ASB6: variants seen among roughly 807,000 people sequenced by gnomAD.
The protein encoded by ASB6 is ankyrin repeat and SOCS box protein 6.
A neutral mutation model predicts 28.6 loss-of-function variants in ASB6; 24 were observed. The ratio of observed to expected loss-of-function variants is 0.84; its 90% CI spans 0.61 to 1.18. The LOEUF (loss-of-function observed/expected upper bound fraction) is 1.18. Ranked by LOEUF, ASB6 falls within the 50% of genes most tolerant of loss-of-function variation. The pLI is 0.00. For missense variants in ASB6, 519 were observed against 559.8 expected, an observed-to-expected ratio of 0.93 and a Z score of 0.74; for synonymous variants, 267 against 243.4, an observed-to-expected ratio of 1.10 and a Z score of -0.90.
chr9:129,635,479 G>A lies in ASB6; in HGVS notation c.*2311C>T. 1 of 1,598,862 alleles carries A rather than the reference G, an allele frequency of 6.3e-7. No homozygotes were observed. Among genetic ancestry groups the A allele is most frequent in the Non-Finnish European group, 8.5e-7 (1 of 1,169,840 alleles). ...CCCTGAGATGAGCCGGGGCTGGCAG[G>A]AGAAACTGAGGAACCACAGTCCTGG... On this transcript the variant is annotated 3_prime_UTR_variant, in exon 6 of 6. Transcript: ENST00000277458.
chr9:129,638,375 C>A lies in ASB6; in HGVS notation c.681G>T (p.Gly227=). The change falls in exon 6 of 6, where the codon GGG becomes GGT. Residue 227 remains glycine, a synonymous_variant. Transcript: ENST00000277458. ...IIFLLGETVG[G]DKEEAQMINR... ...TGATCATCTGGGCCTCCTCTTTGTC[C>A]CCTCCCACGGTCTCACCAAGCAGGA... 1 of 1,613,592 alleles carries A rather than the reference C, an allele frequency of 6.2e-7. No individual in the cohort carries two copies. The highest frequency in any genetic ancestry group is 8.5e-7 in the Non-Finnish European group (1 of 1,180,010).
At position 129,637,916 on chromosome 9, in the gene ASB6, A is replaced by C. The variant is rs1029572669; in HGVS notation, c.1140T>G (p.Arg380=). 1.9e-6 allele frequency: 3 copies of C among 1,585,128 alleles called. No individual in the cohort carries two copies. The African/African-American group carries it at 4.0e-5, about 21-fold the overall frequency. ...SYPPPLKHLC[R]VAIRLYLQPW... is the part of the protein sequence containing the mutation. ...GCTGAAGGTAGAGCCGGATGGCCAC[A>C]CGGCACAGGTGCTTGAGGGGCGGGG... Residue 380 remains arginine (R), a synonymous_variant, in exon 6 of 6, where the codon CGT becomes CGG. Coordinates refer to ENST00000277458, the MANE Select transcript of ASB6 (RefSeq NM_017873.4).
chr9:129,638,685 GAGC>G, intron 4 of ASB6, 26 bp from the exon 5 acceptor site: 1 of 1,598,294 alleles, frequency 6.3e-7, no homozygotes, highest in East Asian at 2.3e-5. Flanking sequence ...GAGCAAGGAG[GAGC>G]AGGAGGCCAG....
At position 129,639,517 on chromosome 9, in the gene ASB6, G is replaced by A. The variant is rs377139298; in HGVS notation, c.296-9C>T. The A allele has an allele frequency of 2.5e-6, 4 of 1,607,594 alleles. No homozygotes were observed. Among genetic ancestry groups the A allele is most frequent in the South Asian group, 1.1e-5 (1 of 90,738 alleles). Reference sequence around the variant, plus strand: ...GTAGTAGGTGACTGGGTCTGAAGGTGCAGACACAGCTCATGTGGGTCCTAT... The same window carrying A: ...GTAGTAGGTGACTGGGTCTGAAGGTACAGACACAGCTCATGTGGGTCCTAT... On this transcript the variant is annotated splice_polypyrimidine_tract_variant and intron_variant, in intron 2 of 5. Transcript: ENST00000277458.
chr9:129,639,371 T>C, intron 3 of ASB6, 31 bp downstream of exon 3: 1 of 1,601,946 alleles, frequency 6.2e-7, no homozygotes, highest in South Asian at 1.1e-5. Flanking sequence ...TGCCCAACCC[T>C]GCTTCAAAGC....
At chr9:129,639,558 T>C (rs1384262818) in intron 2 of ASB6, 50 bp from the exon 3 acceptor site, 6 of 1,536,934 alleles carry the variant, frequency 3.9e-6, no homozygotes, top group Admixed American at 1.8e-5. Context: ...CGCATTCTTA[T>C]GGGGCCCCCG....
chr9:129,635,645 G>C lies in ASB6; in HGVS notation c.*2145C>G, dbSNP rs1422513585. The C allele has an allele frequency of 4.0e-6, 3 of 754,308 alleles. No individual in the cohort carries two copies. The highest frequency in any genetic ancestry group is 6.5e-6 in the Non-Finnish European group (3 of 464,898). The allele number at this position is 754,308 out of a possible 1,614,324, so 46.7% of individuals were successfully genotyped here. ...AAGGCAAGGTGGGACCCGGCGGGGA[G>C]GGTGCTGCTGAACCAGCGGTGAGGC... is the stretch of plus-strand genomic sequence containing the variant. On this transcript the variant is annotated 3_prime_UTR_variant, in exon 6 of 6. Transcript: ENST00000277458.
At chr9:129,639,072 G>A (rs1421899101) in intron 4 of ASB6, 130 bp downstream of exon 4, 2 of 907,182 alleles carry the variant, frequency 2.2e-6, no homozygotes, top group African/African-American at 1.7e-5. Context: ...TGTGTGCCCA[G>A]CCATGCTGTG....
In ASB6 at chr9:129,642,122, C is replaced by A. The variant is rs1831720713; in HGVS notation, c.-123G>T. ...GCTCCGCCAGTCCAGCCCCTGCGCCCGGCCGGGTCCGCTCCTCAGTCCAAG... is the reference window on the plus strand; with the variant it reads ...GCTCCGCCAGTCCAGCCCCTGCGCCAGGCCGGGTCCGCTCCTCAGTCCAAG... On this transcript the variant is annotated 5_prime_UTR_variant, in exon 1 of 6. Coordinates refer to ENST00000277458, the MANE Select transcript of ASB6 (RefSeq NM_017873.4). The surrounding 1 kb of genome is among the most constrained non-coding windows in gnomAD (Gnocchi z 4.3). The A allele has an allele frequency of 2.2e-6, 3 of 1,339,166 alleles. No individual in the cohort carries two copies. In the South Asian group the frequency reaches 5.3e-5, roughly 24 times the overall value. The allele number at this position is 1,339,166 out of a possible 1,614,324, so 83.0% of individuals were successfully genotyped here.
In ASB6 at chr9:129,637,640, C is replaced by T; in HGVS notation, c.*150G>A. On this transcript the variant is annotated 3_prime_UTR_variant, in exon 6 of 6. Transcript: ENST00000277458. ...GCACCCTTCACCACTGGAGTGATCACAGCTTCAGGCTCTACCTGGCTGGCT... is the reference window on the plus strand; with the variant it reads ...GCACCCTTCACCACTGGAGTGATCATAGCTTCAGGCTCTACCTGGCTGGCT... 2.6e-6 allele frequency: 2 copies of T among 768,140 alleles called. No individual in the cohort carries two copies. The highest frequency in any genetic ancestry group is 2.9e-5 in the East Asian group (1 of 34,544). The allele number at this position is 768,140 out of a possible 1,614,324, so 47.6% of individuals were successfully genotyped here.
chr9:129,637,803 T>C lies in ASB6; in HGVS notation c.1253A>G (p.Glu418Gly). 1 of 1,512,384 alleles carries C rather than the reference T, an allele frequency of 6.6e-7. No individual in the cohort carries two copies. Among genetic ancestry groups the C allele is most frequent in the Non-Finnish European group, 8.8e-7 (1 of 1,130,862 alleles). The allele number at this position is 1,512,384 out of a possible 1,614,324, so 93.7% of individuals were successfully genotyped here. A position where few individuals can be genotyped will look rare whatever the true frequency, so the allele number is the denominator to read the frequency against. Residue 418 changes from glutamate to glycine, a missense_variant, in exon 6 of 6, where the codon GAA becomes GGA. By Grantham distance (98) the Glu-to-Gly change is moderately conservative. Coordinates refer to ENST00000277458, the MANE Select transcript of ASB6 (RefSeq NM_017873.4). ...YLLSEHSGSV[E>G]DDI ...GCCTGAGACCTATCAGATGTCATCTTCCACGGAGCCACTGTGCTCGCTAAG... is the reference window on the plus strand; with the variant it reads ...GCCTGAGACCTATCAGATGTCATCTCCCACGGAGCCACTGTGCTCGCTAAG...
rs533555558 is a variant in ASB6 at position 129,637,666 on chromosome 9, T to C, written c.*124A>G. On this transcript the variant is annotated 3_prime_UTR_variant, in exon 6 of 6. Transcript: ENST00000277458. ...AGCTTCAGGCTCTACCTGGCTGGCTTTTCTCATGAAGGATCCCGTCTCATC... is the reference window on the plus strand; with the variant it reads ...AGCTTCAGGCTCTACCTGGCTGGCTCTTCTCATGAAGGATCCCGTCTCATC... The C allele has an allele frequency of 5.6e-6, 6 of 1,074,160 alleles. No individual in the cohort carries two copies. The South Asian group carries it at 1.3e-4, about 24-fold the overall frequency. 66.5% of individuals were successfully genotyped at this position (1,074,160 alleles called of 1,614,324 possible). A position where few individuals can be genotyped will look rare whatever the true frequency, so the allele number is the denominator to read the frequency against.
At chr9:129,638,800 T>C in intron 4 of ASB6, 141 bp from the exon 5 acceptor site, 6 of 709,934 alleles carry the variant, frequency 8.5e-6, no homozygotes, top group Non-Finnish European at 1.5e-5. Flanking sequence ...AGGTGAGGGC[T>C]GAGGGTGACA....
intron 1 of ASB6, 66 bp downstream of exon 1, chr9:129,641,821 G>C: frequency 6.9e-7 from 1 of 1,452,322 alleles, no homozygotes; most frequent in Non-Finnish European, 9.3e-7. Flanking sequence ...CCCGGCTTGT[G>C]GTGATAAAGT....
chr9:129,641,435 T>C (rs1325647885), intron 1 of ASB6, among the ~76,000 whole-genome samples: 1 of 152,184 alleles, frequency 6.6e-6, no homozygotes, highest in East Asian at 1.9e-4. Context: ...CCTAGTACCA[T>C]GGGCAGTGAA....
chr9:129,641,670 C>CGCCCTCGG (rs111738825), intron 1 of ASB6, among the ~76,000 whole-genome samples: 116,044 of 150,976 alleles, frequency 0.77, 44,921 homozygotes, highest in Middle Eastern at 0.82. Context: ...CGCGGGCCTC[C>CGCCCTCGG]GCCCTCGGGC....
chr9:129,635,501 C>G lies in ASB6; in HGVS notation c.*2289G>C, dbSNP rs1241168790. 1 of 1,584,528 alleles carries G rather than the reference C, an allele frequency of 6.3e-7. No individual in the cohort carries two copies. Among genetic ancestry groups the G allele is most frequent in the Admixed American group, 1.7e-5 (1 of 57,838 alleles). On this transcript the variant is annotated 3_prime_UTR_variant, in exon 6 of 6. Coordinates refer to ENST00000277458, the MANE Select transcript of ASB6 (RefSeq NM_017873.4). ...CAGGAGAAACTGAGGAACCACAGTCCTGGTGGGGGGAGCTGGCAGCTGGGC... is the reference window on the plus strand; with the variant it reads ...CAGGAGAAACTGAGGAACCACAGTCGTGGTGGGGGGAGCTGGCAGCTGGGC...
At position 129,639,496 on chromosome 9, in the gene ASB6, T is replaced by C. The variant is rs971227545; in HGVS notation, c.308A>G (p.Tyr103Cys). ...ANLNFEDPVT[Y>C]YTALHIAVLR... is the part of the protein sequence containing the mutation. ...GACGGCGATGTGCAAGGCCGTGTAG[T>C]AGGTGACTGGGTCTGAAGGTGCAGA... The change falls in exon 3 of 6, where the codon TAC (tyrosine) becomes TGC (cysteine). Residue 103 changes from tyrosine (Y) to cysteine (C), a missense_variant. Physicochemically the swap from Tyr to Cys is radical, Grantham distance 194. Transcript: ENST00000277458. The C allele has an allele frequency of 1.2e-6, 2 of 1,612,772 alleles. No individual in the cohort carries two copies. Among genetic ancestry groups the C allele is most frequent in the African/African-American group, 2.7e-5 (2 of 75,046 alleles).
intron 5 of ASB6, 28 bp from the exon 6 acceptor site, chr9:129,638,485 T>TG (rs1360978562): frequency 6.2e-7 from 1 of 1,608,104 alleles, no homozygotes; most frequent in Non-Finnish European, 8.5e-7. Context: ...CAAGAGATGC[T>TG]GGGAGAAGGC....
Sources: gnomAD v4.1 joint callset for allele counts (sites outside exome capture counted in the v4.1 genomes callset) on GRCh38, gnomAD v4.1.1 for gene constraint, Gnocchi (gnomAD v3.1) non-coding constraint, MANE v1.5 for transcripts, NCBI Gene and HGNC (gene_info 2026-07-23, HGNC 2026-07-21) for gene names.